SALL1: variants seen among roughly 807,000 people sequenced by gnomAD.
SALL1 encodes spalt like transcription factor 1.
In SALL1, 10 loss-of-function variants were observed where a neutral mutation model predicts 73.1. The observed-to-expected ratio is 0.14, with a 90% CI of 0.08 to 0.23. The LOEUF is 0.23. SALL1 is among the 10% of genes least tolerant of loss of function. SALL1 has a pLI of 1.00. For missense variants in SALL1, 1,520 were observed against 1,697.3 expected, an observed-to-expected ratio of 0.90 and a Z score of 1.84; for synonymous variants, 688 against 689.8, an observed-to-expected ratio of 1.00 and a Z score of 0.04.
intron 1 of SALL1, among the ~76,000 whole-genome samples, chr16:51,146,993 C>T (rs1164944244): frequency 6.6e-6 from 1 of 152,202 alleles, no homozygotes; most frequent in Non-Finnish European, 1.5e-5. Context: ...CTACACAGAG[C>T]TTGGCTTTTG....
In SALL1 at chr16:51,139,316, G is replaced by C; in HGVS notation, c.2906C>G (p.Ala969Gly). The C allele has an allele frequency of 6.2e-7, 1 of 1,614,136 alleles. No homozygotes were observed. The highest frequency in any genetic ancestry group is 8.5e-7 in the Non-Finnish European group (1 of 1,180,038). Residue 969 changes from alanine to glycine, a missense_variant, in exon 2 of 3, where the codon GCT (alanine) becomes GGT (glycine). By Grantham distance (60) the Ala-to-Gly change is moderately conservative. Around this residue, in one of 7 missense-constraint regions of SALL1, gnomAD observed 266 missense variants for 275.1 expected, o/e 0.97. Transcript: ENST00000251020. ...TGCGTGACTAGATGTCAAATCCAAA[G>C]CCCCACCATTCACTGGGGTGGGAGA... ...GLSPTPVNGG[A>G]LDLTSSHAEK...
At position 51,141,731 on chromosome 16, in the gene SALL1, C is replaced by T. The variant is rs1597231222; in HGVS notation, c.491G>A (p.Ser164Asn). ...GATCGCTGAGGTACCTGTGGAGGAG[C>T]TGCCGCCGCCGCCGCTGCTGCTGCT... ...SSSSSSGGGG[S>N]SSTGTSAITT... Residue 164 changes from serine (S) to asparagine (N), a missense_variant, in exon 2 of 3, where the codon AGC becomes AAC. By Grantham distance (46) the Ser-to-Asn change is conservative (BLOSUM62 1). Transcript: ENST00000251020. The surrounding 1 kb of genome is among the most constrained non-coding windows in gnomAD (Gnocchi z 5.4). 1 of 1,612,536 alleles carries T rather than the reference C, an allele frequency of 6.2e-7. No individual in the cohort carries two copies. Among genetic ancestry groups the T allele is most frequent in the Middle Eastern group, 1.7e-4 (1 of 5,782 alleles).
chr16:51,142,533 C>T (rs955358628), intron 1 of SALL1, among the ~76,000 whole-genome samples: 1 of 152,126 alleles, frequency 6.6e-6, no homozygotes, highest in Non-Finnish European at 1.5e-5. Context: ...TTCTGTCAAC[C>T]TTATTCATTT....
chr16:51,139,759 T>G lies in SALL1; in HGVS notation c.2463A>C (p.Leu821=). ...GSFDEKNFDD[L]DNFSDENMED... is the part of the protein sequence containing the mutation. ...CCATGTTTTCATCAGAGAAGTTGTC[T>G]AGGTCATCAAAATTTTTCTCATCAA... The change falls in exon 2 of 3, where the codon CTA becomes CTC. Residue 821 remains leucine (L), a synonymous_variant. Transcript: ENST00000251020. 1 of 1,614,206 alleles carries G rather than the reference T, an allele frequency of 6.2e-7. No homozygotes were observed.
upstream of SALL1, chr16:51,151,314 A>AGCGGCGGCG (rs954474530): frequency 1.7e-6 from 2 of 1,199,872 alleles, no homozygotes; most frequent in East Asian, 6.8e-5. Flanking sequence ...ACGGAAATCG[A>AGCGGCGGCG]GCGGCGGCGG....
In SALL1 at chr16:51,140,534, A is replaced by C. The variant is rs1395826003; in HGVS notation, c.1688T>G (p.Leu563Arg). The C allele has an allele frequency of 6.2e-7, 1 of 1,613,632 alleles. No homozygotes were observed. Among genetic ancestry groups the C allele is most frequent in the Admixed American group, 1.7e-5 (1 of 59,996 alleles). Residue 563 changes from leucine to arginine, a missense_variant, in exon 2 of 3, where the codon CTC becomes CGC. This residue lies in a region of SALL1 where 276 missense variants were observed against 259.1 expected (regional missense o/e 1.07). Transcript: ENST00000251020. The surrounding 1 kb of genome is among the most constrained non-coding windows in gnomAD (Gnocchi z 5.7). Reference sequence around the variant, plus strand: ...CTTGATGAAGGGTATGAGGCTTGGGAGGGTTGGGGGCAACGGCAGGCCGAC... The same window carrying C: ...CTTGATGAAGGGTATGAGGCTTGGGCGGGTTGGGGGCAACGGCAGGCCGAC... ...TSVGLPLPPT[L>R]PSLIPFIKTE...
Position 51,140,044 on chromosome 16 carries a change from C to T in SALL1, c.2178G>A (p.Arg726=), listed in dbSNP as rs144019351. 0.013 allele frequency: 21,521 copies of T among 1,614,176 alleles called. 232 individuals are homozygous for T. The highest frequency in any genetic ancestry group is 0.031 in the Middle Eastern group (185 of 6,062). ...SCQSALKMHY[R]THTGERPFKC... The stretch of plus-strand genomic sequence containing the variant: ...TAAAGGGCCTCTCCCCAGTGTGTGT[C>T]CTGTAGTGCATTTTCAAGGCGCTCT... The change falls in exon 2 of 3, where the codon AGG becomes AGA. Residue 726 remains arginine (R), a synonymous_variant. Coordinates refer to ENST00000251020, the MANE Select transcript of SALL1 (RefSeq NM_002968.3). The surrounding 1 kb of genome is among the most constrained non-coding windows in gnomAD (Gnocchi z 5.7).
intron 1 of SALL1, among the ~76,000 whole-genome samples, chr16:51,149,074 T>C (rs997648432): frequency 2.6e-5 from 4 of 152,020 alleles, no homozygotes; most frequent in African/African-American, 7.2e-5. Flanking sequence ...ATTGAGTTAC[T>C]TAACTTACCT....
chr16:51,140,515 G>A lies in SALL1; in HGVS notation c.1707C>T (p.Phe569=), dbSNP rs754863627. The change falls in exon 2 of 3, where the codon TTC becomes TTT. Residue 569 remains phenylalanine, a synonymous_variant. Transcript: ENST00000251020. The surrounding 1 kb of genome is among the most constrained non-coding windows in gnomAD (Gnocchi z 5.7). ...LPPTLPSLIP[F]IKTEEPAPIP... is the part of the protein sequence containing the mutation. ...TGGGGGCTGGCTCTTCCGTCTTGAT[G>A]AAGGGTATGAGGCTTGGGAGGGTTG... 2 of 1,614,032 alleles carry A rather than the reference G, an allele frequency of 1.2e-6. No homozygotes were observed. Among genetic ancestry groups the A allele is most frequent in the East Asian group, 4.5e-5 (2 of 44,866 alleles).
Position 51,151,246 on chromosome 16 carries a change from G to T in SALL1, c.-5C>A, listed in dbSNP as rs1962598934. ...CGCTTGCTTCCTCCGCGACATGCTG[G>T]CTCAAACATCAGCTGGGGCAGAATA... On this transcript the variant is annotated 5_prime_UTR_variant, in exon 1 of 3. Transcript: ENST00000251020. The T allele has an allele frequency of 1.9e-6, 3 of 1,594,676 alleles. No individual in the cohort carries two copies. The highest frequency in any genetic ancestry group is 2.3e-5 in the East Asian group (1 of 44,088).
Position 51,136,964 on chromosome 16 carries a change from G to A in SALL1, c.*148C>T. ...TCTTAGAACTCTAAAGTTGAACAAG[G>A]TACAAAAGAATGTCTTCATAATGTT... On this transcript the variant is annotated 3_prime_UTR_variant, in exon 3 of 3. Transcript: ENST00000251020. 2 of 688,408 alleles carry A rather than the reference G, an allele frequency of 2.9e-6. No individual in the cohort carries two copies. Among genetic ancestry groups the A allele is most frequent in the Non-Finnish European group, 2.5e-6 (1 of 399,904 alleles). The allele number at this position is 688,408 out of a possible 1,614,324, so 42.6% of individuals were successfully genotyped here. A position where few individuals can be genotyped will look rare whatever the true frequency, so the allele number is the denominator to read the frequency against.
At chr16:51,151,713 C>T (rs2143481459), upstream of SALL1, among the ~76,000 whole-genome samples, 1 of 151,616 alleles carries the variant, frequency 6.6e-6, no homozygotes, top group South Asian at 2.1e-4. Flanking sequence ...CCCGCTCTCT[C>T]CCTCTCCCCT....
Position 51,137,137 on chromosome 16 carries a change from T to C in SALL1, c.3950A>G (p.Asp1317Gly). The change falls in exon 3 of 3, where the codon GAC (aspartate) becomes GGC (glycine). Residue 1317 changes from aspartate to glycine, a missense_variant. By Grantham distance (94) the Asp-to-Gly change is moderately conservative. Around this residue, in one of 7 missense-constraint regions of SALL1, gnomAD observed 318 missense variants for 357.1 expected, o/e 0.89. Coordinates refer to ENST00000251020, the MANE Select transcript of SALL1 (RefSeq NM_002968.3). Reference protein sequence around the residue: ...TNFRFTRFVEDSKEIVTS With the variant: ...TNFRFTRFVEGSKEIVTS ...TTAACTCGTGACGATCTCCTTGCTG[T>C]CCTCCACGAAGCGGGTGAAGCGGAA... 6.2e-7 allele frequency: 1 copy of C among 1,614,188 alleles called. No homozygotes were observed. Among genetic ancestry groups the C allele is most frequent in the South Asian group, 1.1e-5 (1 of 91,082 alleles).
chr16:51,152,106 C>T (rs1319301117), upstream of SALL1: 1 of 152,062 alleles, frequency 6.6e-6, no homozygotes, highest in Admixed American at 6.5e-5. Context: ...GCTCGGCGCT[C>T]CTCCGCCCCG....
chr16:51,149,420 CG>C (rs1962563775), intron 1 of SALL1: 14 of 152,120 alleles, frequency 9.2e-5, no homozygotes, highest in Admixed American at 9.2e-4. Context: ...AGTGTGACTG[CG>C]GGAAGCAGAA....
In SALL1 at chr16:51,147,650, C is replaced by T. The variant is rs990097452; in HGVS notation, c.76+3516G>A. Reference sequence around the variant, plus strand: ...TATCTGCAATTCATGGTGTTTCATTCTTCCAATATTATCTTTTCCTTGAAA... The same window carrying T: ...TATCTGCAATTCATGGTGTTTCATTTTTCCAATATTATCTTTTCCTTGAAA... On this transcript the variant is annotated intron_variant, in intron 1 of 2. Transcript: ENST00000251020. 3.1e-4 allele frequency among the ~76,000 whole-genome samples: 47 copies of T among 152,146 alleles called. 1 individual carries two copies. The highest frequency in any genetic ancestry group is 3.4e-3 in the Middle Eastern group (1 of 292).
Position 51,138,879 on chromosome 16 carries a change from A to G in SALL1, c.3343T>C (p.Ser1115Pro). The G allele has an allele frequency of 6.2e-7, 1 of 1,614,150 alleles. No individual in the cohort carries two copies. Among genetic ancestry groups the G allele is most frequent in the Non-Finnish European group, 8.5e-7 (1 of 1,180,040 alleles). The change falls in exon 2 of 3, where the codon TCC (serine) becomes CCC (proline). Residue 1115 changes from serine to proline, a missense_variant. This residue lies in a region of SALL1 where 318 missense variants were observed against 357.1 expected (regional missense o/e 0.89). Coordinates refer to ENST00000251020, the MANE Select transcript of SALL1 (RefSeq NM_002968.3). The stretch of plus-strand genomic sequence containing the variant: ...AGCAGAACTGGGGATGTGGCAGAGG[A>G]AGACAGAGGCCCAGACGGGACGTGA... Reference protein sequence around the residue: ...TSHVPSGPLSSSATSPVLLPA... With the variant: ...TSHVPSGPLSPSATSPVLLPA...
rs1481177863 is a variant in SALL1, at chr16:51,136,375, A to G, written c.*737T>C. On this transcript the variant is annotated 3_prime_UTR_variant, in exon 3 of 3. Coordinates refer to ENST00000251020, the MANE Select transcript of SALL1 (RefSeq NM_002968.3). ...CCTACAAGGCAAAATGTTACGTCTC[A>G]GTTTCAACTACCAAAACAACGCTTG... 1 of 152,702 alleles carries G rather than the reference A, an allele frequency of 6.5e-6. No homozygotes were observed. Among genetic ancestry groups the G allele is most frequent in the Non-Finnish European group, 1.5e-5 (1 of 68,056 alleles). The allele number at this position is 152,702 out of a possible 1,614,324, so 9.5% of individuals were successfully genotyped here.
Position 51,137,369 on chromosome 16 carries a change from C to T in SALL1, c.3718G>A (p.Ala1240Thr). The T allele has an allele frequency of 6.2e-7, 1 of 1,614,166 alleles. No individual in the cohort carries two copies. Among genetic ancestry groups the T allele is most frequent in the Non-Finnish European group, 8.5e-7 (1 of 1,180,032 alleles). Residue 1240 changes from alanine to threonine, a missense_variant, in exon 3 of 3, where the codon GCG (alanine) becomes ACG (threonine). This residue lies in a region of SALL1 where 318 missense variants were observed against 357.1 expected (regional missense o/e 0.89). Transcript: ENST00000251020. ...PSSFWNQYAA[A>T]LSNGLAMKAN... The stretch of plus-strand genomic sequence containing the variant: ...TTCATCGCCAGCCCGTTGGAGAGCG[C>T]TGCTGCATACTGATTCCAGAAGCTG...
Sources: gnomAD v4.1 joint callset for allele counts (sites outside exome capture counted in the v4.1 genomes callset) on GRCh38, gnomAD v4.1.1 for gene constraint, gnomAD v4.1.1 regional missense constraint, Gnocchi (gnomAD v3.1) non-coding constraint, MANE v1.5 for transcripts, NCBI Gene and HGNC (gene_info 2026-07-23, HGNC 2026-07-21) for gene names.